SANBR: variants seen among roughly 807,000 people sequenced by gnomAD.
SANBR encodes the protein SANT and BTB domain regulator of CSR.
A neutral mutation model predicts 101.8 loss-of-function variants in SANBR; 77 were observed. That is an observed-to-expected ratio of 0.76 (90% CI 0.63 to 0.91). The LOEUF is 0.91. Ranked by LOEUF, SANBR falls within the 40% of genes least tolerant of loss-of-function variation. The pLI, the probability that SANBR is intolerant of heterozygous loss-of-function variation, is 0.00. For synonymous variants in SANBR, 279 were observed against 274.7 expected (o/e 1.02, Z -0.15); for missense variants, 875 against 853.0 (o/e 1.03, Z -0.32).
At chr2:61,133,655 T>A (rs1162845615) in intron 20 of SANBR, among the ~76,000 whole-genome samples, 1 of 152,132 alleles carries the variant, frequency 6.6e-6, no homozygotes, top group Non-Finnish European at 1.5e-5. Flanking sequence ...GGATAAACCT[T>A]GAAAACATGC....
At chr2:61,108,405 T>A in intron 15 of SANBR, 56 bp downstream of exon 15, 2 of 1,169,322 alleles carry the variant, frequency 1.7e-6, no homozygotes, top group South Asian at 1.4e-5. Context: ...AAATTAAAGT[T>A]TAGTTTAATA....
chr2:61,070,609 C>T (rs959985738), intron 3 of SANBR, 109 bp downstream of exon 3: 8 of 870,120 alleles, frequency 9.2e-6, no homozygotes, highest in Non-Finnish European at 1.4e-5. Flanking sequence ...TATTCAAATG[C>T]ATGTATTAAC....
At position 61,108,243 on chromosome 2, in the gene SANBR, A is replaced by G. The variant is rs1683666305; in HGVS notation, c.1612-74A>G. 6.8e-6 allele frequency: 6 copies of G among 882,704 alleles called. No individual in the cohort carries two copies. In the South Asian group the frequency reaches 8.4e-5, roughly 12 times the overall value. The allele number at this position is 882,704 out of a possible 1,614,324, so 54.7% of individuals were successfully genotyped here. Reference sequence around the variant, plus strand: ...TTGTAACTTTTTTCAACTCTTCTACAGTATCTATATCAAAATAAGGAGCTG... The same window carrying G: ...TTGTAACTTTTTTCAACTCTTCTACGGTATCTATATCAAAATAAGGAGCTG... On this transcript the variant is annotated intron_variant, in intron 14 of 21. Transcript: ENST00000402291.
intron 20 of SANBR, among the ~76,000 whole-genome samples, chr2:61,119,698 C>A (rs1684244033): frequency 6.6e-6 from 1 of 152,174 alleles, no homozygotes; most frequent in South Asian, 2.1e-4. Flanking sequence ...TGGCTCACAC[C>A]TGTAATCCCA....
intron 11 of SANBR, among the ~76,000 whole-genome samples, chr2:61,097,151 C>T (rs1396186016): frequency 6.6e-6 from 1 of 152,038 alleles, no homozygotes; most frequent in South Asian, 2.1e-4. Context: ...GAGATTCCAT[C>T]TCCAAAAAAG....
At position 61,065,897 on chromosome 2, in the gene SANBR, C is replaced by A. The variant is rs961955041; in HGVS notation, c.-277C>A. Reference sequence around the variant, plus strand: ...GTCTCCGCAGCCGCCTGCAAGCGGGCGGGGGCGGGGTGTGAGGCGCTGCGG... The same window carrying A: ...GTCTCCGCAGCCGCCTGCAAGCGGGAGGGGGCGGGGTGTGAGGCGCTGCGG... On this transcript the variant is annotated 5_prime_UTR_variant, in exon 1 of 22. Coordinates refer to ENST00000402291, the MANE Select transcript of SANBR (RefSeq NM_001129993.3). 6 of 152,010 alleles carry A rather than the reference C, an allele frequency of 3.9e-5. No individual in the cohort carries two copies. The highest frequency in any genetic ancestry group is 3.3e-4 in the Admixed American group (5 of 15,246). 9.4% of individuals were successfully genotyped at this position (152,010 alleles called of 1,614,324 possible).
At chr2:61,112,178 C>T (rs1012321773) in intron 16 of SANBR, among the ~76,000 whole-genome samples, 3 of 152,224 alleles carry the variant, frequency 2.0e-5, no homozygotes, top group Non-Finnish European at 4.4e-5. Context: ...AGCAGTCCCA[C>T]CACTGTGCAT....
intron 1 of SANBR, 170 bp downstream of exon 1, chr2:61,066,197 C>T (rs1330014010): frequency 6.5e-6 from 1 of 152,730 alleles, no homozygotes; most frequent in African/African-American, 2.4e-5. Flanking sequence ...GCCGGCCGCG[C>T]CTCGAGCAGC....
chr2:61,115,578 G>C (rs981113049), intron 16 of SANBR, among the ~76,000 whole-genome samples: 2 of 152,036 alleles, frequency 1.3e-5, no homozygotes, highest in Non-Finnish European at 2.9e-5. Flanking sequence ...AGACAAATCT[G>C]TAAGGAAAAA....
chr2:61,136,095 A>G (rs546508470), intron 21 of SANBR, among the ~76,000 whole-genome samples: 8 of 152,074 alleles, frequency 5.3e-5, no homozygotes, highest in Non-Finnish European at 1.0e-4. Flanking sequence ...ACCTGAGGTC[A>G]GGAGTTCGAG....
chr2:61,108,380 G>T (rs1683674466), intron 15 of SANBR, 31 bp downstream of exon 15: 5 of 1,450,782 alleles, frequency 3.4e-6, no homozygotes, highest in Non-Finnish European at 4.7e-6. Context: ...AGCATTCATG[G>T]ATCTCTTTCT....
At chr2:61,114,740 G>T (rs1307304166) in intron 16 of SANBR, among the ~76,000 whole-genome samples, 1 of 151,984 alleles carries the variant, frequency 6.6e-6, no homozygotes, top group Non-Finnish European at 1.5e-5. Flanking sequence ...CTGCAGCCTC[G>T]ACCTCCCAAG....
At chr2:61,083,391 T>C in intron 8 of SANBR, 77 bp downstream of exon 8, 1 of 957,354 alleles carries the variant, frequency 1.0e-6, no homozygotes. Context: ...GAGTGAAATA[T>C]TCTTTCTTTT....
intron 8 of SANBR, among the ~76,000 whole-genome samples, chr2:61,087,412 A>G (rs1470270711): frequency 1.3e-5 from 2 of 149,702 alleles, no homozygotes; most frequent in African/African-American, 4.9e-5. Flanking sequence ...TTTTTTTTTA[A>G]TTAACTGAAT....
exon 22 of SANBR, chr2:61,137,762 C>A (rs1363798553): frequency 6.6e-6 from 1 of 152,132 alleles, no homozygotes; most frequent in Non-Finnish European, 1.5e-5. Flanking sequence ...ATCCTGCATC[C>A]TCTTCTTTTC....
At chr2:61,113,082 A>T (rs969700513) in intron 16 of SANBR, among the ~76,000 whole-genome samples, 1 of 152,140 alleles carries the variant, frequency 6.6e-6, no homozygotes, top group Non-Finnish European at 1.5e-5. Flanking sequence ...TGAAAAGACT[A>T]TTCTGTTCTA....
chr2:61,120,801 G>A (rs899224269), intron 20 of SANBR, among the ~76,000 whole-genome samples: 2 of 152,196 alleles, frequency 1.3e-5, no homozygotes, highest in Admixed American at 1.3e-4. Flanking sequence ...CTAGATTCAA[G>A]TGGCTACATG....
chr2:61,069,317 C>G (rs1681337698), intron 2 of SANBR, among the ~76,000 whole-genome samples: 1 of 152,142 alleles, frequency 6.6e-6, no homozygotes, highest in African/African-American at 2.4e-5. Context: ...CCCTTTATTT[C>G]TTTCCACGCT....
chr2:61,132,924 GGTAA>G (rs1347419205), intron 20 of SANBR, among the ~76,000 whole-genome samples: 419 of 152,280 alleles, frequency 2.8e-3, no homozygotes, highest in African/African-American at 9.4e-3. Flanking sequence ...ATCCAGAATG[GGTAA>G]ATCCATAGCA....
Sources: allele counts gnomAD v4.1 joint callset (sites outside exome capture counted in the v4.1 genomes callset), GRCh38; gene constraint gnomAD v4.1.1; transcripts MANE v1.5; gene names NCBI Gene and HGNC (gene_info 2026-07-23, HGNC 2026-07-21).